The following RIC3 variants were observed in gnomAD, a reference collection of about 807,000 sequenced individuals.
The protein encoded by RIC3 is RIC3 acetylcholine receptor chaperone, also known as protein RIC-3.
Under a neutral mutation model 27.3 loss-of-function variants are expected in RIC3, and 28 were observed. That is an observed-to-expected ratio of 1.02 (90% CI 0.76 to 1.41). The LOEUF is 1.41. RIC3 is among the 40% of genes most tolerant of loss of function. RIC3 has a pLI of 0.00. For missense variants in RIC3, 501 were observed against 444.7 expected (o/e 1.13, Z -1.14); for synonymous variants, 184 against 160.4 (o/e 1.15, Z -1.11).
chr11:8,130,206 A>G (rs1380895828), intron 4 of RIC3, among the ~76,000 whole-genome samples: 1 of 152,176 alleles, frequency 6.6e-6, no homozygotes, highest in African/African-American at 2.4e-5. Flanking sequence ...CATGTGACCC[A>G]CTACTAATTA....
chr11:8,163,070 C>T (rs1295460204), intron 1 of RIC3, among the ~76,000 whole-genome samples: 1 of 148,726 alleles, frequency 6.7e-6, no homozygotes, highest in African/African-American at 2.5e-5. Flanking sequence ...CACACACACC[C>T]CCCAAAACAC....
chr11:8,154,567 C>G (rs1950508838), intron 1 of RIC3, among the ~76,000 whole-genome samples: 1 of 152,186 alleles, frequency 6.6e-6, no homozygotes, highest in African/African-American at 2.4e-5. Flanking sequence ...CTTTGGCCAA[C>G]AAATGTATCC....
At chr11:8,161,128 C>T (rs1366380744) in intron 1 of RIC3, among the ~76,000 whole-genome samples, 1 of 152,116 alleles carries the variant, frequency 6.6e-6, no homozygotes, top group African/African-American at 2.4e-5. Flanking sequence ...GAGGAATAGT[C>T]AATTATGTAT....
intron 4 of RIC3, among the ~76,000 whole-genome samples, chr11:8,130,396 C>CT (rs1947545739): frequency 6.6e-6 from 1 of 152,180 alleles, no homozygotes; most frequent in African/African-American, 2.4e-5. Context: ...TCCCTAAATG[C>CT]CCAAAGCTGC....
chr11:8,121,190 T>C (rs1462869624), intron 5 of RIC3, among the ~76,000 whole-genome samples: 2 of 152,130 alleles, frequency 1.3e-5, no homozygotes, highest in Non-Finnish European at 2.9e-5. Flanking sequence ...AAAATTAATA[T>C]CACTTGTAGT....
intron 5 of RIC3, among the ~76,000 whole-genome samples, chr11:8,124,250 A>G (rs1167598945): frequency 6.6e-6 from 1 of 152,282 alleles, no homozygotes; most frequent in African/African-American, 2.4e-5. Context: ...ACACATCCCA[A>G]TGCATTTTAT....
At chr11:8,099,659 A>G in the RIC3 span, among the ~76,000 whole-genome samples, 3 of 152,368 alleles carry the variant, frequency 2.0e-5, no homozygotes, top group Non-Finnish European at 4.4e-5. Flanking sequence ...AAACAGATCT[A>G]TCAGTGAAGT....
At chr11:8,097,978 C>T in the RIC3 span, 82 of 645,346 alleles carry the variant, frequency 1.3e-4, no homozygotes, top group Non-Finnish European at 2.1e-4. Context: ...AACTGGAGGC[C>T]TATGTCTATG....
intron 4 of RIC3, among the ~76,000 whole-genome samples, chr11:8,129,562 G>T (rs1947435102): frequency 6.6e-6 from 1 of 152,166 alleles, no homozygotes; most frequent in African/African-American, 2.4e-5. Context: ...AAGACCAGAA[G>T]AGGCTGAGTA....
intron 5 of RIC3, among the ~76,000 whole-genome samples, chr11:8,113,088 G>T (rs1459918646): frequency 2.6e-5 from 4 of 152,164 alleles, no homozygotes; most frequent in African/African-American, 9.7e-5. Context: ...TTATTCCAAG[G>T]CTTAACTTAC....
At position 8,169,018 on chromosome 11, in the gene RIC3, C is replaced by T; in HGVS notation, c.-29G>A. 6.6e-7 allele frequency: 1 copy of T among 1,518,210 alleles called. No individual in the cohort carries two copies. Among genetic ancestry groups the T allele is most frequent in the Non-Finnish European group, 8.8e-7 (1 of 1,139,840 alleles). The allele number at this position is 1,518,210 out of a possible 1,614,324, so 94.0% of individuals were successfully genotyped here. A position where few individuals can be genotyped will look rare whatever the true frequency, so the allele number is the denominator to read the frequency against. On this transcript the variant is annotated 5_prime_UTR_variant, in exon 1 of 6. Coordinates refer to ENST00000309737, the MANE Select transcript of RIC3 (RefSeq NM_001206671.4). ...TGCTCACGGTGGTCGCAGGTGCAGA[C>T]GCCAGCCGGAACCGGAACCGGAACC...
rs1332146434 is a variant in RIC3 at position 8,145,192 on chromosome 11, AAAAAAAAATT to A, written c.125-5009_125-5000del. On this transcript the variant is annotated intron_variant, in intron 1 of 5. Transcript: ENST00000309737. Reference sequence around the variant, plus strand: ...ACTTAAAGTATAATAAAAAAAAATTAAAAAAAAATTAAAAAAAAAAAAGAAAGAAAATACA... The same window carrying A: ...ACTTAAAGTATAATAAAAAAAAATTAAAAAAAAAAAAAGAAAGAAAATACA... Among the ~76,000 whole-genome samples, 927 of 115,822 alleles carry A rather than the reference AAAAAAAAATT, an allele frequency of 8.0e-3. 20 individuals are homozygous for A. Among genetic ancestry groups the A allele is most frequent in the Admixed American group, 0.061 (748 of 12,178 alleles). 76.0% of individuals were successfully genotyped at this position (115,822 alleles called of 152,430 possible).
chr11:8,144,730 C>A (rs1330933698), intron 1 of RIC3, among the ~76,000 whole-genome samples: 10 of 149,444 alleles, frequency 6.7e-5, no homozygotes, highest in Admixed American at 2.7e-4. Context: ...CACATGCACA[C>A]GTATGTTTAT....
chr11:8,145,132 T>G, intron 1 of RIC3, among the ~76,000 whole-genome samples: 1 of 147,184 alleles, frequency 6.8e-6, no homozygotes, highest in Non-Finnish European at 1.5e-5. Context: ...TATACATATG[T>G]AACTAACCTG....
chr11:8,167,094 A>T (rs1951758818), intron 1 of RIC3, among the ~76,000 whole-genome samples: 1 of 152,230 alleles, frequency 6.6e-6, no homozygotes, highest in African/African-American at 2.4e-5. Flanking sequence ...ATACTACTTC[A>T]GTAGCTTCTC....
At chr11:8,126,945 A>C (rs1947060782) in intron 4 of RIC3, 138 bp from the exon 5 acceptor site, 2 of 969,528 alleles carry the variant, frequency 2.1e-6, no homozygotes, top group Non-Finnish European at 3.2e-6. Context: ...TTGATCCTCC[A>C]ACTGCATAGC....
chr11:8,098,654 C>G, the RIC3 span: 25 of 826,050 alleles, frequency 3.0e-5, no homozygotes, highest in Non-Finnish European at 5.0e-5. Flanking sequence ...GCTCCTGTTC[C>G]AGCCCAGAAT....
rs746798552 is a variant in RIC3 at position 8,137,449 on chromosome 11, C to G, written c.450G>C (p.Leu150=). The change falls in exon 4 of 6, where the codon CTG becomes CTC. Residue 150 remains leucine (L), a synonymous_variant. Transcript: ENST00000309737. ...RKITSFELAQ[L]QEKLKETEAA... ...CTTCTGTCTCCTTCAGTTTTTCTTG[C>G]AGTTGAGCAAGCTCAAAACTGGCTA... The G allele has an allele frequency of 1.2e-5, 19 of 1,613,972 alleles. No individual in the cohort carries two copies. The South Asian group carries it at 2.1e-4, about 18-fold the overall frequency.
rs1224308749 is a variant in RIC3 at position 8,145,662 on chromosome 11, G to T, written c.125-5469C>A. Among the ~76,000 whole-genome samples, 13 of 152,228 alleles carry T rather than the reference G, an allele frequency of 8.5e-5. No homozygotes were observed. The East Asian group carries it at 2.3e-3, about 27-fold the overall frequency. ...TTGTGGGGAGGGGCAGAGGCAGGGG[G>T]AGGTGTTACATCAATTTTCTTGCAT... On this transcript the variant is annotated intron_variant, in intron 1 of 5. Transcript: ENST00000309737.
Sources: gnomAD v4.1 joint callset for allele counts (sites outside exome capture counted in the v4.1 genomes callset) on GRCh38, gnomAD v4.1.1 for gene constraint, MANE v1.5 for transcripts, NCBI Gene and HGNC (gene_info 2026-07-23, HGNC 2026-07-21) for gene names.